Variants in RBFOX1 observed in about 807,000 individuals in gnomAD.
RBFOX1 encodes the protein RNA binding protein fox-1 homolog 1.
RBFOX1 carries 8 observed loss-of-function variants against 57.7 expected under a neutral mutation model. That is an observed-to-expected ratio of 0.14 (90% CI 0.08 to 0.25). The LOEUF (loss-of-function observed/expected upper bound fraction) is 0.25. Among genes scored for constraint, RBFOX1 ranks in the 10% least tolerant of loss-of-function variants. The pLI is 1.00. For missense variants in RBFOX1, 611 were observed against 548.5 expected (o/e 1.11, Z -1.14); for synonymous variants, 326 against 222.4 (o/e 1.47, Z -4.15).
intron 4 of RBFOX1, among the ~76,000 whole-genome samples, chr16:7,127,010 CAAAAAAAA>C (rs4035897): frequency 3.9e-5 from 5 of 129,188 alleles, no homozygotes; most frequent in South Asian, 2.5e-4. Context: ...GAATCCGTCT[CAAAAAAAA>C]AAAAAAAAAA....
At chr16:6,934,825 C>T (rs2077106245) in intron 3 of RBFOX1, among the ~76,000 whole-genome samples, 1 of 152,100 alleles carries the variant, frequency 6.6e-6, no homozygotes, top group Non-Finnish European at 1.5e-5. Flanking sequence ...GTGGCTCCTG[C>T]AGGTAATCCC....
intron 3 of RBFOX1, among the ~76,000 whole-genome samples, chr16:6,895,254 C>A (rs1596437139): frequency 6.6e-6 from 1 of 151,648 alleles, no homozygotes; most frequent in African/African-American, 2.4e-5. Flanking sequence ...AAATGTATAT[C>A]CCCAGTGGTT....
At chr16:6,973,086 G>A (rs186279831) in intron 3 of RBFOX1, among the ~76,000 whole-genome samples, 51 of 152,032 alleles carry the variant, frequency 3.4e-4, no homozygotes, top group African/African-American at 1.2e-3. Context: ...AGCTGAGATT[G>A]CACTACTGCA....
At chr16:5,783,042 C>T (rs2054375170) in intron 3 of RBFOX1, among the ~76,000 whole-genome samples, 1 of 152,172 alleles carries the variant, frequency 6.6e-6, no homozygotes, top group Non-Finnish European at 1.5e-5. Context: ...CATGGACACA[C>T]CCAGAAGTAA....
chr16:6,495,873 G>T (rs1173539068), intron 2 of RBFOX1, among the ~76,000 whole-genome samples: 3 of 152,308 alleles, frequency 2.0e-5, no homozygotes, highest in East Asian at 3.9e-4. Context: ...ACAACATAAA[G>T]GTATCTGTTT....
At chr16:5,471,621 C>A (rs1235096772) in intron 2 of RBFOX1, among the ~76,000 whole-genome samples, 1 of 152,154 alleles carries the variant, frequency 6.6e-6, no homozygotes, top group East Asian at 1.9e-4. Context: ...ACATGGTCTG[C>A]CTGGGAAGGA....
At chr16:6,464,280 T>C (rs2094989337) in intron 2 of RBFOX1, among the ~76,000 whole-genome samples, 1 of 152,204 alleles carries the variant, frequency 6.6e-6, no homozygotes, top group African/African-American at 2.4e-5. Context: ...ATATTAATGG[T>C]TGGAGTGCAA....
chr16:6,878,050 A>G (rs2062166807), intron 3 of RBFOX1, among the ~76,000 whole-genome samples: 2 of 152,168 alleles, frequency 1.3e-5, no homozygotes, highest in African/African-American at 4.8e-5. Context: ...ATGGAGCTGA[A>G]AGACACACAA....
chr16:6,771,884 C>G (rs997280124), intron 3 of RBFOX1, among the ~76,000 whole-genome samples: 1 of 152,120 alleles, frequency 6.6e-6, no homozygotes, highest in African/African-American at 2.4e-5. Flanking sequence ...CCCTTCTCCC[C>G]ATTAGACCTT....
intron 3 of RBFOX1, among the ~76,000 whole-genome samples, chr16:7,040,710 A>G (rs934270393): frequency 6.6e-6 from 1 of 152,174 alleles, no homozygotes; most frequent in Non-Finnish European, 1.5e-5. Context: ...TTTTATACAC[A>G]AATGGATTAT....
intron 1 of RBFOX1, among the ~76,000 whole-genome samples, chr16:6,196,185 C>G (rs888959685): frequency 6.6e-6 from 1 of 152,086 alleles, no homozygotes; most frequent in African/African-American, 2.4e-5. Context: ...GAAACTGAGG[C>G]CTCAAAGAGT....
Position 5,842,679 on chromosome 16 carries a change from C to T in RBFOX1, c.319-24624C>T, listed in dbSNP as rs181210022. On this transcript the variant is annotated intron_variant, in intron 3 of 19. Transcript: ENST00000641259. ...TTCCTTCAAAGAATGGATTTCTCATCGGAGGAAATGTACCTCTAAGCAAGT... is the reference window on the plus strand; with the variant it reads ...TTCCTTCAAAGAATGGATTTCTCATTGGAGGAAATGTACCTCTAAGCAAGT... 1.1e-3 allele frequency among the ~76,000 whole-genome samples: 168 copies of T among 152,242 alleles called. 1 individual carries two copies. Among genetic ancestry groups the T allele is most frequent in the Middle Eastern group, 3.4e-3 (1 of 294 alleles).
At chr16:6,311,108 G>A (rs529357225) in intron 1 of RBFOX1, among the ~76,000 whole-genome samples, 42 of 151,664 alleles carry the variant, frequency 2.8e-4, no homozygotes, top group South Asian at 8.4e-4. Context: ...CAGCCTGGCC[G>A]ACATGGTGAA....
At chr16:6,870,994 A>C (rs1213877257) in intron 3 of RBFOX1, among the ~76,000 whole-genome samples, 1 of 152,242 alleles carries the variant, frequency 6.6e-6, no homozygotes, top group African/African-American at 2.4e-5. Flanking sequence ...CCCACTATCC[A>C]GTGAATAACA....
intron 3 of RBFOX1, among the ~76,000 whole-genome samples, chr16:6,793,691 C>T (rs1004107372): frequency 6.6e-6 from 1 of 152,142 alleles, no homozygotes; most frequent in Non-Finnish European, 1.5e-5. Context: ...GAAAACAGTG[C>T]ATTGGCCATC....
intron 2 of RBFOX1, among the ~76,000 whole-genome samples, chr16:6,341,541 T>A (rs1315723830): frequency 1.3e-5 from 2 of 152,160 alleles, no homozygotes; most frequent in Non-Finnish European, 2.9e-5. Flanking sequence ...AACAAAAGGA[T>A]TCCTAATTTT....
intron 3 of RBFOX1, among the ~76,000 whole-genome samples, chr16:6,832,504 C>G (rs2092779448): frequency 6.6e-6 from 1 of 152,182 alleles, no homozygotes; most frequent in Non-Finnish European, 1.5e-5. Flanking sequence ...TGGGTATTAT[C>G]TTGAGATGCT....
chr16:7,269,320 T>C (rs1418636305), intron 4 of RBFOX1, among the ~76,000 whole-genome samples: 1 of 152,152 alleles, frequency 6.6e-6, no homozygotes, highest in Non-Finnish European at 1.5e-5. Context: ...AAGCAACATA[T>C]GATCATTTAA....
At chr16:6,944,644 C>G (rs919306263) in intron 3 of RBFOX1, among the ~76,000 whole-genome samples, 1 of 152,062 alleles carries the variant, frequency 6.6e-6, no homozygotes, top group Non-Finnish European at 1.5e-5. Flanking sequence ...GGGGGTCTGG[C>G]CATGCATCAC....
Sources: allele counts gnomAD v4.1 joint callset (sites outside exome capture counted in the v4.1 genomes callset), GRCh38; gene constraint gnomAD v4.1.1; transcripts MANE v1.5; gene names NCBI Gene and HGNC (gene_info 2026-07-23, HGNC 2026-07-21).